OR4C11: variants seen among roughly 807,000 people sequenced by gnomAD.
OR4C11 encodes olfactory receptor 4C11.
Under a neutral mutation model 14.7 loss-of-function variants are expected in OR4C11, and 15 were observed. The observed-to-expected ratio is 1.02, with a 90% CI of 0.68 to 1.58. The LOEUF is 1.58. Ranked by LOEUF, OR4C11 falls within the 40% of genes most tolerant of loss-of-function variation. The pLI, the probability that OR4C11 is intolerant of heterozygous loss-of-function variation, is 0.00. For missense variants in OR4C11, 473 were observed against 383.0 expected (o/e 1.24, Z -1.96); for synonymous variants, 146 against 135.0 (o/e 1.08, Z -0.57).
rs1198569833 is a variant in OR4C11, at chr11:55,604,689, A to T, written c.-44-272T>A. On this transcript the variant is annotated intron_variant, in intron 3 of 3. Coordinates refer to ENST00000641580, the MANE Select transcript of OR4C11 (RefSeq NM_001004700.3). ...ACAATTAGAAATAGAAAAATAACTT[A>T]AAAGCAAATGATTTTTCAAACAAAG... 1.6e-4 allele frequency among the ~76,000 whole-genome samples: 22 copies of T among 138,546 alleles called. 6 individuals carry two copies. The highest frequency in any genetic ancestry group is 3.9e-3 in the Middle Eastern group (1 of 258). 90.9% of individuals were successfully genotyped at this position (138,546 alleles called of 152,430 possible).
At position 55,602,611 on chromosome 11, in the gene OR4C11, G is replaced by T. The variant is rs1228362606; in HGVS notation, c.*830C>A. ...AGAACCCACTAGAGACAAGTGTCCT[G>T]AGTGTTTTCTGAATTCCTGTGATAA... On this transcript the variant is annotated 3_prime_UTR_variant, in exon 4 of 4. Coordinates refer to ENST00000641580, the MANE Select transcript of OR4C11 (RefSeq NM_001004700.3). 1.4e-5 allele frequency: 2 copies of T among 138,026 alleles called. 1 individual carries two copies. The highest frequency in any genetic ancestry group is 1.6e-4 in the Admixed American group (2 of 12,656). 8.6% of individuals were successfully genotyped at this position (138,026 alleles called of 1,614,324 possible).
At position 55,604,570 on chromosome 11, in the gene OR4C11, C is replaced by T. The variant is rs1013174263; in HGVS notation, c.-44-153G>A. ...TCATAGTAACTATTCAATATATTTA[C>T]CAAAATATTATTATTATTATTTTTG... is the stretch of plus-strand genomic sequence containing the variant. On this transcript the variant is annotated intron_variant, in intron 3 of 3. Transcript: ENST00000641580. 1.0e-4 allele frequency among the ~76,000 whole-genome samples: 14 copies of T among 137,782 alleles called. 1 individual carries two copies. The highest frequency in any genetic ancestry group is 3.5e-4 in the African/African-American group (14 of 39,736). The allele number at this position is 137,782 out of a possible 152,430, so 90.4% of individuals were successfully genotyped here. A position where few individuals can be genotyped will look rare whatever the true frequency, so the allele number is the denominator to read the frequency against.
rs1324958307 is a variant in OR4C11 at position 55,606,227 on chromosome 11, C to CAA, written c.-207+293_-207+294dup. 4.8e-3 allele frequency among the ~76,000 whole-genome samples: 660 copies of CAA among 137,310 alleles called. 66 individuals are homozygous for CAA. Among genetic ancestry groups the CAA allele is most frequent in the African/African-American group, 0.016 (636 of 39,644 alleles). The allele number at this position is 137,310 out of a possible 152,430, so 90.1% of individuals were successfully genotyped here. A position where few individuals can be genotyped will look rare whatever the true frequency, so the allele number is the denominator to read the frequency against. On this transcript the variant is annotated intron_variant, in intron 2 of 3. Transcript: ENST00000641580. ...ACACGCACGCACACACACACACACA[C>CAA]AAAATTGTCCCTGACATATGGTGTA...
Position 55,603,630 on chromosome 11 carries a change from G to T in OR4C11, c.744C>A (p.Phe248Leu). 2 of 1,486,894 alleles carry T rather than the reference G, an allele frequency of 1.3e-6. No homozygotes were observed. The highest frequency in any genetic ancestry group is 1.2e-5 in the South Asian group (1 of 84,728). 92.1% of individuals were successfully genotyped at this position (1,486,894 alleles called of 1,614,324 possible). A position where few individuals can be genotyped will look rare whatever the true frequency, so the allele number is the denominator to read the frequency against. The change falls in exon 4 of 4, where the codon TTC (phenylalanine) becomes TTA (leucine). Residue 248 changes from phenylalanine to leucine, a missense_variant. Phe to Leu is a conservative substitution (Grantham distance 22). Coordinates refer to ENST00000641580, the MANE Select transcript of OR4C11 (RefSeq NM_001004700.3). ...TATATATGAATATACATGGGCCAAAGAATAAGATGACTACAATTATGTGAG... is the reference window on the plus strand; with the variant it reads ...TATATATGAATATACATGGGCCAAATAATAAGATGACTACAATTATGTGAG... Reference protein sequence around the residue: ...CTSHIIVVILFFGPCIFIYTR... With the variant: ...CTSHIIVVILLFGPCIFIYTR...
At position 55,603,594 on chromosome 11, in the gene OR4C11, C is replaced by G. The variant is rs747998101; in HGVS notation, c.780G>C (p.Pro260=). 1.3e-6 allele frequency: 2 copies of G among 1,483,710 alleles called. No homozygotes were observed. Among genetic ancestry groups the G allele is most frequent in the Admixed American group, 4.0e-5 (2 of 49,716 alleles). The allele number at this position is 1,483,710 out of a possible 1,614,324, so 91.9% of individuals were successfully genotyped here. The change falls in exon 4 of 4, where the codon CCG becomes CCC. Residue 260 remains proline (P), a synonymous_variant. Transcript: ENST00000641580. ...CCATCTTGTCCATGGGGAAAGTGGT[C>G]GGGGGGCGTGTATATATGAATATAC... ...GPCIFIYTRP[P]TTFPMDKMVA...
Position 55,603,638 on chromosome 11 carries a change from T to C in OR4C11, c.736A>G (p.Ile246Val), listed in dbSNP as rs781510226. Residue 246 changes from isoleucine (I) to valine (V), a missense_variant, in exon 4 of 4, where the codon ATC becomes GTC. Physicochemically the swap from Ile to Val is conservative, Grantham distance 29. Transcript: ENST00000641580. ...SACTSHIIVV[I>V]LFFGPCIFIY... ...AATATACATGGGCCAAAGAATAAGATGACTACAATTATGTGAGACGTGCAA... is the reference window on the plus strand; with the variant it reads ...AATATACATGGGCCAAAGAATAAGACGACTACAATTATGTGAGACGTGCAA... 1.3e-6 allele frequency: 2 copies of C among 1,486,062 alleles called. No homozygotes were observed. The highest frequency in any genetic ancestry group is 9.2e-7 in the Non-Finnish European group (1 of 1,091,844). The allele number at this position is 1,486,062 out of a possible 1,614,324, so 92.1% of individuals were successfully genotyped here.
Position 55,604,047 on chromosome 11 carries a change from C to T in OR4C11, c.327G>A (p.Glu109=), listed in dbSNP as rs767584724. Residue 109 remains glutamate, a synonymous_variant, in exon 4 of 4, where the codon GAG becomes GAA. Transcript: ENST00000641580. ...VFALHLFGCM[E]IFVLILMAVD... is the part of the protein sequence containing the mutation. Reference sequence around the variant, plus strand: ...CAGCCATGAGAATGAGGACAAAGATCTCCATGCAGCCAAATAAATGTAGTG... The same window carrying T: ...CAGCCATGAGAATGAGGACAAAGATTTCCATGCAGCCAAATAAATGTAGTG... 1.0e-5 allele frequency: 15 copies of T among 1,486,252 alleles called. 6 individuals are homozygous for T. In the Admixed American group the frequency reaches 3.0e-4, roughly 30 times the overall value. 92.1% of individuals were successfully genotyped at this position (1,486,252 alleles called of 1,614,324 possible).
At position 55,602,509 on chromosome 11, in the gene OR4C11, C is replaced by T. The variant is rs867311028; in HGVS notation, c.*932G>A. 1 of 137,996 alleles carries T rather than the reference C, an allele frequency of 7.2e-6. No individual in the cohort carries two copies. Among genetic ancestry groups the T allele is most frequent in the Non-Finnish European group, 1.6e-5 (1 of 62,106 alleles). The allele number at this position is 137,996 out of a possible 1,614,324, so 8.5% of individuals were successfully genotyped here. A position where few individuals can be genotyped will look rare whatever the true frequency, so the allele number is the denominator to read the frequency against. On this transcript the variant is annotated 3_prime_UTR_variant, in exon 4 of 4. Coordinates refer to ENST00000641580, the MANE Select transcript of OR4C11 (RefSeq NM_001004700.3). ...CCATTGCCAATTCTAACTTGTGATT[C>T]TATGCAGCCCCAATTATTAGGACAG...
Position 55,603,888 on chromosome 11 carries a change from TA to T in OR4C11, c.485del (p.Leu162Ter), listed in dbSNP as rs1857921496. On this transcript the variant is annotated frameshift_variant, in exon 4 of 4. Coordinates refer to ENST00000641580, the MANE Select transcript of OR4C11 (RefSeq NM_001004700.3). LOFTEE classifies it high-confidence loss of function. ...IHSTAQIILA[L>X]RLPFCGPYLI... ...AATAGGGTCCACAGAAAGGCAATCT[TA>T]AGGCCAGGATAATCTGAGCTGTAGA... is the stretch of plus-strand genomic sequence containing the variant. 4.0e-6 allele frequency: 6 copies of T among 1,489,176 alleles called. 2 individuals carry two copies. The highest frequency in any genetic ancestry group is 3.5e-5 in the South Asian group (3 of 84,830). 92.2% of individuals were successfully genotyped at this position (1,489,176 alleles called of 1,614,324 possible). A position where few individuals can be genotyped will look rare whatever the true frequency, so the allele number is the denominator to read the frequency against.
rs1295744667 is a variant in OR4C11, at chr11:55,602,719, G to T, written c.*722C>A. 1.4e-5 allele frequency: 2 copies of T among 138,402 alleles called. 1 individual carries two copies. Among genetic ancestry groups the T allele is most frequent in the Non-Finnish European group, 3.2e-5 (2 of 62,190 alleles). 8.6% of individuals were successfully genotyped at this position (138,402 alleles called of 1,614,324 possible). On this transcript the variant is annotated 3_prime_UTR_variant, in exon 4 of 4. Transcript: ENST00000641580. ...GGTTTCAACCATGTTCTACCCTTCT[G>T]CACTTCAGGCTCAGGAAATATGTTG...
In OR4C11 at chr11:55,604,181, A is replaced by T. The variant is rs1272792905; in HGVS notation, c.193T>A (p.Ser65Thr). 2.7e-6 allele frequency: 4 copies of T among 1,477,046 alleles called. 1 individual carries two copies. Among genetic ancestry groups the T allele is most frequent in the Non-Finnish European group, 3.7e-6 (4 of 1,086,690 alleles). The allele number at this position is 1,477,046 out of a possible 1,614,324, so 91.5% of individuals were successfully genotyped here. The change falls in exon 4 of 4, where the codon TCC (serine) becomes ACC (threonine). Residue 65 changes from serine to threonine, a missense_variant. Ser to Thr is a moderately conservative substitution (Grantham distance 58, BLOSUM62 1). Coordinates refer to ENST00000641580, the MANE Select transcript of OR4C11 (RefSeq NM_001004700.3). ...GTTGAAAAGCAAGAATCTGCAAAGG[A>T]CAAATAAAATAGAAAGAAGTACATG... ...SPMYFFLFYL[S>T]FADSCFSTST...
chr11:55,603,132 A>C lies in OR4C11; in HGVS notation c.*309T>G. 5.2e-6 allele frequency: 1 copy of C among 193,570 alleles called. No individual in the cohort carries two copies. Among genetic ancestry groups the C allele is most frequent in the Non-Finnish European group, 1.0e-5 (1 of 98,030 alleles). 12.0% of individuals were successfully genotyped at this position (193,570 alleles called of 1,614,324 possible). On this transcript the variant is annotated 3_prime_UTR_variant, in exon 4 of 4. Coordinates refer to ENST00000641580, the MANE Select transcript of OR4C11 (RefSeq NM_001004700.3). ...AAGAAGTAAGAAAATCAGATGCATT[A>C]GATTAGAGTGCATAGAGATAGTCAG...
Position 55,603,939 on chromosome 11 carries a change from A to G in OR4C11, c.435T>C (p.Leu145=), listed in dbSNP as rs1348238698. 1.7e-5 allele frequency: 25 copies of G among 1,488,648 alleles called. 5 individuals carry two copies. Among genetic ancestry groups the G allele is most frequent in the Non-Finnish European group, 2.2e-5 (24 of 1,094,820 alleles). 92.2% of individuals were successfully genotyped at this position (1,488,648 alleles called of 1,614,324 possible). A position where few individuals can be genotyped will look rare whatever the true frequency, so the allele number is the denominator to read the frequency against. The change falls in exon 4 of 4, where the codon CTT becomes CTC. Residue 145 remains leucine (L), a synonymous_variant. Coordinates refer to ENST00000641580, the MANE Select transcript of OR4C11 (RefSeq NM_001004700.3). ...AGTGTATTAAAGACCCTATCCAGGC[A>G]AGAACAATCAGGATGATGCAGACCT... The part of the protein sequence containing the change: ...SQQVCIILIV[L]AWIGSLIHST...
At chr11:55,606,190 G>A (rs1857957704) in intron 2 of OR4C11, among the ~76,000 whole-genome samples, 1 of 129,420 alleles carries the variant, frequency 7.7e-6, no homozygotes, top group Non-Finnish European at 1.7e-5. Flanking sequence ...AGATAGCTGT[G>A]TGTTTATATG....
In OR4C11 at chr11:55,603,765, T is replaced by C. The variant is rs746610272; in HGVS notation, c.609A>G (p.Ala203=). Residue 203 remains alanine (A), a synonymous_variant, in exon 4 of 4, where the codon GCA becomes GCG. Transcript: ENST00000641580. The part of the protein sequence containing the change: ...INLLLVSNSG[A]ICSSSFMILI... ...AAATCATGAAACTACTTGAGCAAAT[T>C]GCCCCACTGTTAGACACCAACAGCA... The C allele has an allele frequency of 6.7e-7, 1 of 1,489,576 alleles. No individual in the cohort carries two copies. The allele number at this position is 1,489,576 out of a possible 1,614,324, so 92.3% of individuals were successfully genotyped here. A position where few individuals can be genotyped will look rare whatever the true frequency, so the allele number is the denominator to read the frequency against.
At chr11:55,606,266 G>A (rs1405258539) in intron 2 of OR4C11, among the ~76,000 whole-genome samples, 3 of 137,838 alleles carry the variant, frequency 2.2e-5, no homozygotes, top group African/African-American at 7.6e-5. Context: ...TGAAATGTAA[G>A]AGATTAATAT....
At position 55,603,252 on chromosome 11, in the gene OR4C11, C is replaced by A. The variant is rs1303298193; in HGVS notation, c.*189G>T. 4.5e-6 allele frequency: 2 copies of A among 445,900 alleles called. No homozygotes were observed. The highest frequency in any genetic ancestry group is 7.8e-6 in the Non-Finnish European group (2 of 254,908). The allele number at this position is 445,900 out of a possible 1,614,324, so 27.6% of individuals were successfully genotyped here. A position where few individuals can be genotyped will look rare whatever the true frequency, so the allele number is the denominator to read the frequency against. ...TCACCTGAATTAATCTATATTCTAC[C>A]TAGTTCTGGCACAAAAGACAATGTC... On this transcript the variant is annotated 3_prime_UTR_variant, in exon 4 of 4. Transcript: ENST00000641580.
Position 55,606,688 on chromosome 11 carries a change from A to G in OR4C11, c.-364-9T>C, listed in dbSNP as rs192899825. On this transcript the variant is annotated splice_polypyrimidine_tract_variant and intron_variant, in intron 1 of 3. Coordinates refer to ENST00000641580, the MANE Select transcript of OR4C11 (RefSeq NM_001004700.3). ...TGTTGAAACTCAGGGCTCTGTAAAT[A>G]CAACATATGCAGACACACTGTCACT... 8 of 138,386 alleles carry G rather than the reference A, an allele frequency of 5.8e-5. 1 individual carries two copies. In the East Asian group the frequency reaches 1.9e-3, roughly 33 times the overall value. The allele number at this position is 138,386 out of a possible 1,614,324, so 8.6% of individuals were successfully genotyped here. A position where few individuals can be genotyped will look rare whatever the true frequency, so the allele number is the denominator to read the frequency against.
chr11:55,603,579 C>T lies in OR4C11; in HGVS notation c.795G>A (p.Met265Ile). The T allele has an allele frequency of 3.4e-6, 5 of 1,479,456 alleles. 2 individuals are homozygous for T. The highest frequency in any genetic ancestry group is 4.6e-6 in the Non-Finnish European group (5 of 1,085,912). 91.6% of individuals were successfully genotyped at this position (1,479,456 alleles called of 1,614,324 possible). Residue 265 changes from methionine to isoleucine, a missense_variant, in exon 4 of 4, where the codon ATG becomes ATA. Transcript: ENST00000641580. ...TATAAAATACTGCCACCATCTTGTC[C>T]ATGGGGAAAGTGGTCGGGGGGCGTG... is the stretch of plus-strand genomic sequence containing the variant. ...IYTRPPTTFP[M>I]DKMVAVFYTI...
Sources: gnomAD v4.1 joint callset for allele counts (sites outside exome capture counted in the v4.1 genomes callset) on GRCh38, gnomAD v4.1.1 for gene constraint, MANE v1.5 for transcripts, NCBI Gene and HGNC (gene_info 2026-07-23, HGNC 2026-07-21) for gene names.